Variants in CNTN6 observed in about 807,000 individuals in gnomAD.
The protein encoded by CNTN6 is contactin 6.
Under a neutral mutation model 122.8 loss-of-function variants are expected in CNTN6, and 137 were observed. The observed-to-expected ratio is 1.12, with a 90% CI of 0.97 to 1.29. The LOEUF is 1.29. CNTN6 is among the 50% of genes most tolerant of loss of function. The pLI, the probability that CNTN6 is intolerant of heterozygous loss-of-function variation, is 0.00. For synonymous variants in CNTN6, 570 were observed against 426.0 expected (o/e 1.34, Z -4.16); for missense variants, 1,634 against 1,223.4 (o/e 1.34, Z -5.01).
chr3:1,372,342 A>C lies in CNTN6; in HGVS notation c.1536A>C (p.Thr512=). The C allele has an allele frequency of 1.2e-6, 2 of 1,612,308 alleles. No individual in the cohort carries two copies. Among genetic ancestry groups the C allele is most frequent in the Non-Finnish European group, 1.7e-6 (2 of 1,179,200 alleles). Residue 512 remains threonine (T), a synonymous_variant, in exon 13 of 23, where the codon ACA becomes ACC. Coordinates refer to ENST00000446702, the MANE Select transcript of CNTN6 (RefSeq NM_001289080.2). ...ITVPPSKMDV[T]VGESIVLPCQ... ...TCCCACCTTCCAAAATGGATGTTAC[A>C]GTTGGCGAGAGTATAGTGCTACCAT...
intron 1 of CNTN6, among the ~76,000 whole-genome samples, chr3:1,125,654 T>G (rs758135041): frequency 1.3e-5 from 2 of 151,548 alleles, no homozygotes; most frequent in Non-Finnish European, 2.9e-5. Flanking sequence ...TAAGTCAGAG[T>G]GTCAGCTACT....
chr3:1,394,991 T>A (rs1694809545), intron 20 of CNTN6, among the ~76,000 whole-genome samples: 1 of 152,184 alleles, frequency 6.6e-6, no homozygotes, highest in Non-Finnish European at 1.5e-5. Context: ...CTTTAAGTAT[T>A]CAGCTTTCTT....
chr3:1,384,734 TATATAC>T (rs1692525262), intron 19 of CNTN6, among the ~76,000 whole-genome samples: 1 of 118,214 alleles, frequency 8.5e-6, no homozygotes, highest in African/African-American at 3.8e-5. Context: ...TACACACATA[TATATAC>T]ATATATACAC....
At chr3:1,265,044 CTTT>C (rs201949693) in intron 4 of CNTN6, among the ~76,000 whole-genome samples, 37 of 100,732 alleles carry the variant, frequency 3.7e-4, no homozygotes, top group African/African-American at 1.1e-3. Flanking sequence ...ACCGAATTTC[CTTT>C]TTTTTTTTTT....
At chr3:1,135,567 T>C (rs2092450088) in intron 1 of CNTN6, among the ~76,000 whole-genome samples, 1 of 152,174 alleles carries the variant, frequency 6.6e-6, no homozygotes, top group South Asian at 2.1e-4. Flanking sequence ...TTTTACTGTA[T>C]TTATTGTGCT....
intron 20 of CNTN6, among the ~76,000 whole-genome samples, chr3:1,392,304 G>A (rs879943249): frequency 3.3e-5 from 5 of 152,090 alleles, no homozygotes; most frequent in Non-Finnish European, 5.9e-5. Flanking sequence ...AAGCAATGGG[G>A]AAAGGATTCC....
At chr3:1,261,069 G>T (rs1428344422) in intron 4 of CNTN6, among the ~76,000 whole-genome samples, 1 of 152,112 alleles carries the variant, frequency 6.6e-6, no homozygotes, top group Non-Finnish European at 1.5e-5. Context: ...AGAAACATTG[G>T]TTTGCCACCA....
chr3:1,098,789 C>T (rs6779364), intron 1 of CNTN6, among the ~76,000 whole-genome samples: 14,847 of 56,484 alleles, frequency 0.26, 1,771 homozygotes, highest in African/African-American at 0.29. Flanking sequence ...CACACACACA[C>T]ATATATATAT....
intron 5 of CNTN6, among the ~76,000 whole-genome samples, chr3:1,287,138 CA>C (rs1487630818): frequency 2.0e-5 from 3 of 152,240 alleles, no homozygotes; most frequent in Non-Finnish European, 2.9e-5. Flanking sequence ...TTTAACACCC[CA>C]CTGTCAATAT....
chr3:1,098,789 C>CACACACATATATATATATATAT (rs1211008614), intron 1 of CNTN6, among the ~76,000 whole-genome samples: 3 of 63,254 alleles, frequency 4.7e-5, no homozygotes, highest in Admixed American at 2.0e-4. Context: ...CACACACACA[C>CACACACATATATATATATATAT]ATATATATAT....
At chr3:1,341,024 C>T (rs1195658825) in intron 11 of CNTN6, among the ~76,000 whole-genome samples, 1 of 152,056 alleles carries the variant, frequency 6.6e-6, no homozygotes, top group Non-Finnish European at 1.5e-5. Context: ...CTTCAAAGCC[C>T]TGAGGAAATC....
intron 4 of CNTN6, among the ~76,000 whole-genome samples, chr3:1,256,175 A>C (rs924384600): frequency 5.9e-5 from 9 of 152,138 alleles, no homozygotes; most frequent in South Asian, 2.1e-4. Context: ...CTATTATAGA[A>C]TGTAATTTTT....
intron 20 of CNTN6, among the ~76,000 whole-genome samples, chr3:1,397,560 A>C (rs959817292): frequency 3.9e-5 from 6 of 152,178 alleles, no homozygotes; most frequent in African/African-American, 1.2e-4. Flanking sequence ...CCACACAGAC[A>C]TTACTTAAAT....
At chr3:1,107,823 A>G (rs947215139) in intron 1 of CNTN6, among the ~76,000 whole-genome samples, 3 of 152,082 alleles carry the variant, frequency 2.0e-5, no homozygotes, top group African/African-American at 7.2e-5. Flanking sequence ...CCAAATTGAT[A>G]TGCAATTAAT....
chr3:1,245,294 AC>A (rs2094560698), intron 4 of CNTN6, among the ~76,000 whole-genome samples: 9 of 2,356 alleles, frequency 3.8e-3, no homozygotes, highest in Non-Finnish European at 5.0e-3. Context: ...TATATATATA[AC>A]ATATATATAT....
chr3:1,250,842 A>C (rs2094654099), intron 4 of CNTN6, among the ~76,000 whole-genome samples: 1 of 152,036 alleles, frequency 6.6e-6, no homozygotes, highest in South Asian at 2.1e-4. Context: ...TGAACTGCTG[A>C]TTCTTTTCTC....
intron 11 of CNTN6, among the ~76,000 whole-genome samples, chr3:1,336,670 G>A (rs1301510150): frequency 7.2e-5 from 11 of 152,118 alleles, no homozygotes; most frequent in African/African-American, 2.7e-4. Context: ...TGGACACTTG[G>A]CAAATGCATG....
chr3:1,095,622 T>C (rs775238720), intron 1 of CNTN6, among the ~76,000 whole-genome samples: 1 of 152,236 alleles, frequency 6.6e-6, no homozygotes, highest in Admixed American at 6.5e-5. Context: ...AATGGAGATA[T>C]TATGTCCAGA....
intron 7 of CNTN6, among the ~76,000 whole-genome samples, chr3:1,301,231 T>G (rs1003485452): frequency 2.6e-5 from 4 of 151,964 alleles, no homozygotes; most frequent in African/African-American, 9.7e-5. Context: ...GAGGCGGAGT[T>G]TCACTGTGTT....
Sources: allele counts gnomAD v4.1 joint callset (sites outside exome capture counted in the v4.1 genomes callset), GRCh38; gene constraint gnomAD v4.1.1; transcripts MANE v1.5; gene names NCBI Gene and HGNC (gene_info 2026-07-23, HGNC 2026-07-21).